RPL27A: variants seen among roughly 807,000 people sequenced by gnomAD.
RPL27A encodes the protein large ribosomal subunit protein uL15.
For missense variants in RPL27A, 118 were observed against 189.4 expected, an observed-to-expected ratio of 0.62 and a Z score of 2.21; for synonymous variants, 69 against 68.3, an observed-to-expected ratio of 1.01 and a Z score of -0.05.
chr11:8,684,243 CGCTTGGGTATCG>C (rs752312482), intron 3 of RPL27A, 162 bp downstream of exon 3: 4 of 773,114 alleles, frequency 5.2e-6, no homozygotes, highest in Non-Finnish European at 9.4e-6. Context: ...GCTAGAGTCA[CGCTTGGGTATCG>C]GCTATTGCCT....
Position 8,685,887 on chromosome 11 carries a change from C to A in RPL27A, c.*81C>A. 1 of 1,405,106 alleles carries A rather than the reference C, an allele frequency of 7.1e-7. No individual in the cohort carries two copies. Among genetic ancestry groups the A allele is most frequent in the South Asian group, 1.2e-5 (1 of 82,866 alleles). The allele number at this position is 1,405,106 out of a possible 1,614,324, so 87.0% of individuals were successfully genotyped here. A position where few individuals can be genotyped will look rare whatever the true frequency, so the allele number is the denominator to read the frequency against. On this transcript the variant is annotated 3_prime_UTR_variant, in exon 5 of 5. Coordinates refer to ENST00000314138, the MANE Select transcript of RPL27A (RefSeq NM_000990.5). Reference sequence around the variant, plus strand: ...TGTAGGTTCTTCAGTGGCACCTCTACATCCTGTGTGCATTGGGAGCCCAGG... The same window carrying A: ...TGTAGGTTCTTCAGTGGCACCTCTAAATCCTGTGTGCATTGGGAGCCCAGG...
chr11:8,686,450 C>CT lies in RPL27A; in HGVS notation c.*645dup, dbSNP rs769105417. Reference sequence around the variant, plus strand: ...TTCACCATGTTGGCCATGCTGGTCTCTAACTCCTAACCTCAAGTGATCTGC... The same window carrying CT: ...TTCACCATGTTGGCCATGCTGGTCTCTTAACTCCTAACCTCAAGTGATCTGC... On this transcript the variant is annotated 3_prime_UTR_variant, in exon 5 of 5. Transcript: ENST00000314138. 7 of 152,336 alleles carry CT rather than the reference C, an allele frequency of 4.6e-5. No homozygotes were observed. Among genetic ancestry groups the CT allele is most frequent in the Non-Finnish European group, 1.0e-4 (7 of 68,186 alleles). The allele number at this position is 152,336 out of a possible 1,614,324, so 9.4% of individuals were successfully genotyped here. A position where few individuals can be genotyped will look rare whatever the true frequency, so the allele number is the denominator to read the frequency against.
rs189869720 is a variant in RPL27A at position 8,683,929 on chromosome 11, C to A, written c.68-77C>A. The A allele has an allele frequency of 2.8e-3, 3,175 of 1,150,690 alleles. 11 individuals are homozygous for A. The highest frequency in any genetic ancestry group is 6.2e-3 in the South Asian group (507 of 82,056). 71.3% of individuals were successfully genotyped at this position (1,150,690 alleles called of 1,614,324 possible). ...ACTCCTGACCTCAGGTGATCTACCC[C>A]CCCTCGTCCTCCTAAAATGCTGGGA... is the stretch of plus-strand genomic sequence containing the variant. On this transcript the variant is annotated intron_variant, in intron 2 of 4. Coordinates refer to ENST00000314138, the MANE Select transcript of RPL27A (RefSeq NM_000990.5).
chr11:8,685,578 C>T, intron 4 of RPL27A, 100 bp from the exon 5 acceptor site: 2 of 1,336,178 alleles, frequency 1.5e-6, no homozygotes, highest in Non-Finnish European at 2.2e-6. Context: ...ACATACCCTG[C>T]CTAGGGATTT....
Position 8,688,982 on chromosome 11 carries a change from T to G in RPL27A, c.*3176T>G, listed in dbSNP as rs2039612179. On this transcript the variant is annotated 3_prime_UTR_variant, in exon 5 of 5. Coordinates refer to ENST00000314138, the MANE Select transcript of RPL27A (RefSeq NM_000990.5). Reference sequence around the variant, plus strand: ...CCCGGCACCTGAGAACCACTTCCGGTGAGTAGCTTCTACTTCCGGAGACGA... The same window carrying G: ...CCCGGCACCTGAGAACCACTTCCGGGGAGTAGCTTCTACTTCCGGAGACGA... 6.6e-6 allele frequency: 1 copy of G among 152,200 alleles called. No homozygotes were observed. The highest frequency in any genetic ancestry group is 2.1e-4 in the South Asian group (1 of 4,832). The allele number at this position is 152,200 out of a possible 1,614,324, so 9.4% of individuals were successfully genotyped here.
intron 3 of RPL27A, 173 bp downstream of exon 3, chr11:8,684,254 C>T (rs778248935): frequency 4.2e-5 from 32 of 766,284 alleles, no homozygotes; most frequent in Non-Finnish European, 5.7e-5. Flanking sequence ...GCTTGGGTAT[C>T]GGCTATTGCC....
In RPL27A at chr11:8,685,989, CAG is replaced by C; in HGVS notation, c.*185_*186del. The C allele has an allele frequency of 1.7e-6, 1 of 589,792 alleles. No individual in the cohort carries two copies. The highest frequency in any genetic ancestry group is 3.0e-6 in the Non-Finnish European group (1 of 333,220). 36.5% of individuals were successfully genotyped at this position (589,792 alleles called of 1,614,324 possible). A position where few individuals can be genotyped will look rare whatever the true frequency, so the allele number is the denominator to read the frequency against. On this transcript the variant is annotated 3_prime_UTR_variant, in exon 5 of 5. Transcript: ENST00000314138. Reference sequence around the variant, plus strand: ...ATATATGGTAAACGTAAGACCAACACAGACGTTGGCCAGTTAAACATTTCTGT... The same window carrying C: ...ATATATGGTAAACGTAAGACCAACACACGTTGGCCAGTTAAACATTTCTGT...
chr11:8,688,266 G>A lies in RPL27A; in HGVS notation c.*2460G>A, dbSNP rs1214691005. 2 of 152,224 alleles carry A rather than the reference G, an allele frequency of 1.3e-5. No homozygotes were observed. Among genetic ancestry groups the A allele is most frequent in the Non-Finnish European group, 2.9e-5 (2 of 68,054 alleles). The allele number at this position is 152,224 out of a possible 1,614,324, so 9.4% of individuals were successfully genotyped here. On this transcript the variant is annotated 3_prime_UTR_variant, in exon 5 of 5. Transcript: ENST00000314138. The stretch of plus-strand genomic sequence containing the variant: ...ACAAAATGATAAGGCATGGAAGGAA[G>A]TAGAGTTTGGGGGGAAGGATCCCTA...
chr11:8,683,107 CTT>C, intron 1 of RPL27A, 93 bp from the exon 2 acceptor site: 1 of 1,329,780 alleles, frequency 7.5e-7, no homozygotes, highest in Non-Finnish European at 1.1e-6. Context: ...GAAGTTAGGT[CTT>C]TGACCCACAG....
At position 8,688,566 on chromosome 11, in the gene RPL27A, T is replaced by A. The variant is rs2039608040; in HGVS notation, c.*2760T>A. The stretch of plus-strand genomic sequence containing the variant: ...CTGCTGTGTTCATGGAGGCTCATAC[T>A]GGCGATCTCTAGTGGCTGGCTAAAG... On this transcript the variant is annotated 3_prime_UTR_variant, in exon 5 of 5. Coordinates refer to ENST00000314138, the MANE Select transcript of RPL27A (RefSeq NM_000990.5). The A allele has an allele frequency of 6.6e-6, 1 of 152,240 alleles. No individual in the cohort carries two copies. Among genetic ancestry groups the A allele is most frequent in the Admixed American group, 6.5e-5 (1 of 15,290 alleles). 9.4% of individuals were successfully genotyped at this position (152,240 alleles called of 1,614,324 possible). A position where few individuals can be genotyped will look rare whatever the true frequency, so the allele number is the denominator to read the frequency against.
At chr11:8,683,121 C>A in intron 1 of RPL27A, 81 bp from the exon 2 acceptor site, 2 of 1,412,656 alleles carry the variant, frequency 1.4e-6, no homozygotes, top group Non-Finnish European at 1.0e-6. Flanking sequence ...GACCCACAGG[C>A]TTACAGGACC....
chr11:8,683,131 C>A, intron 1 of RPL27A, 71 bp from the exon 2 acceptor site: 1 of 1,465,280 alleles, frequency 6.8e-7, no homozygotes, highest in South Asian at 1.1e-5. Context: ...CTTACAGGAC[C>A]ATCTCGGCTG....
rs1458197416 is a variant in RPL27A at position 8,689,361 on chromosome 11, C to T, written c.*3555C>T. On this transcript the variant is annotated 3_prime_UTR_variant, in exon 5 of 5. Coordinates refer to ENST00000314138, the MANE Select transcript of RPL27A (RefSeq NM_000990.5). Reference sequence around the variant, plus strand: ...TGGGCTAAAAAAGAAAGTGCTTGTACACGGATGGAAATATTCTAGAAGAAC... The same window carrying T: ...TGGGCTAAAAAAGAAAGTGCTTGTATACGGATGGAAATATTCTAGAAGAAC... 1 of 152,178 alleles carries T rather than the reference C, an allele frequency of 6.6e-6. No individual in the cohort carries two copies. The highest frequency in any genetic ancestry group is 1.5e-5 in the Non-Finnish European group (1 of 68,042). 9.4% of individuals were successfully genotyped at this position (152,178 alleles called of 1,614,324 possible). A position where few individuals can be genotyped will look rare whatever the true frequency, so the allele number is the denominator to read the frequency against.
In RPL27A at chr11:8,685,829, T is replaced by C. The variant is rs1464806725; in HGVS notation, c.*23T>C. On this transcript the variant is annotated 3_prime_UTR_variant, in exon 5 of 5. Coordinates refer to ENST00000314138, the MANE Select transcript of RPL27A (RefSeq NM_000990.5). ...TGAAGCCACATGGAGGGAGTTTCATTAAATGCTAACTACTTTTTCCTTGTG... is the reference window on the plus strand; with the variant it reads ...TGAAGCCACATGGAGGGAGTTTCATCAAATGCTAACTACTTTTTCCTTGTG... The C allele has an allele frequency of 1.9e-6, 3 of 1,611,838 alleles. No homozygotes were observed. In the African/African-American group the frequency reaches 4.0e-5, roughly 22 times the overall value.
In RPL27A at chr11:8,688,286, T is replaced by G. The variant is rs2039605664; in HGVS notation, c.*2480T>G. The G allele has an allele frequency of 6.6e-6, 1 of 152,122 alleles. No homozygotes were observed. Among genetic ancestry groups the G allele is most frequent in the Non-Finnish European group, 1.5e-5 (1 of 68,008 alleles). 9.4% of individuals were successfully genotyped at this position (152,122 alleles called of 1,614,324 possible). On this transcript the variant is annotated 3_prime_UTR_variant, in exon 5 of 5. Transcript: ENST00000314138. ...AGGAAGTAGAGTTTGGGGGGAAGGA[T>G]CCCTAGTCCCTTAATGGCTACCTTC...
chr11:8,683,055 G>T lies in RPL27A; in HGVS notation c.4-147G>T. The T allele has an allele frequency of 4.3e-6, 4 of 920,698 alleles. No homozygotes were observed. The Admixed American group carries it at 8.9e-5, about 20-fold the overall frequency. 57.0% of individuals were successfully genotyped at this position (920,698 alleles called of 1,614,324 possible). ...TGCGCTACCGTGGTGAGACCTCACG[G>T]CCCTGAGCGGATCGGTACCCTCAGC... On this transcript the variant is annotated intron_variant, in intron 1 of 4. Coordinates refer to ENST00000314138, the MANE Select transcript of RPL27A (RefSeq NM_000990.5).
At chr11:8,682,884 C>T (rs368361903) in intron 1 of RPL27A, 68 bp downstream of exon 1, 180 of 1,542,540 alleles carry the variant, frequency 1.2e-4, no homozygotes, top group Non-Finnish European at 1.5e-4. Flanking sequence ...TCCCATTGCC[C>T]CTAGTCATCC....
Position 8,687,015 on chromosome 11 carries a change from G to A in RPL27A, c.*1209G>A, listed in dbSNP as rs2133619734. The A allele has an allele frequency of 6.6e-6, 1 of 152,314 alleles. No homozygotes were observed. Among genetic ancestry groups the A allele is most frequent in the African/African-American group, 2.4e-5 (1 of 41,560 alleles). 9.4% of individuals were successfully genotyped at this position (152,314 alleles called of 1,614,324 possible). A position where few individuals can be genotyped will look rare whatever the true frequency, so the allele number is the denominator to read the frequency against. On this transcript the variant is annotated 3_prime_UTR_variant, in exon 5 of 5. Coordinates refer to ENST00000314138, the MANE Select transcript of RPL27A (RefSeq NM_000990.5). ...GGCTGTCTATGGGACACATCTGTCA[G>A]GACAACCTTTAGAGGATGTTGGGGA...
At position 8,684,091 on chromosome 11, in the gene RPL27A, C is replaced by T. The variant is rs763951496; in HGVS notation, c.143+10C>T. Reference sequence around the variant, plus strand: ...TCAACTTCGACAAATAGTAAGTGTCCTTGGACTGCTTTTATTGACACAGCT... The same window carrying T: ...TCAACTTCGACAAATAGTAAGTGTCTTTGGACTGCTTTTATTGACACAGCT... On this transcript the variant is annotated intron_variant, in intron 3 of 4. Coordinates refer to ENST00000314138, the MANE Select transcript of RPL27A (RefSeq NM_000990.5). 4 of 1,609,448 alleles carry T rather than the reference C, an allele frequency of 2.5e-6. No homozygotes were observed. The highest frequency in any genetic ancestry group is 3.4e-6 in the Non-Finnish European group (4 of 1,176,182).
Sources: allele counts gnomAD v4.1 joint callset, GRCh38; gene constraint gnomAD v4.1.1; transcripts MANE v1.5; gene names NCBI Gene and HGNC (gene_info 2026-07-23, HGNC 2026-07-21).